The following RPS6KA2 variants were observed in gnomAD, a reference collection of about 807,000 sequenced individuals.
The protein encoded by RPS6KA2 is ribosomal protein S6 kinase alpha-2.
Under a neutral mutation model 91.8 loss-of-function variants are expected in RPS6KA2, and 42 were observed. The observed-to-expected ratio is 0.46, with a 90% confidence interval of 0.36 to 0.59. The LOEUF is 0.59. Among genes scored for constraint, RPS6KA2 ranks in the 20% least tolerant of loss-of-function variants. The probability of loss-of-function intolerance (pLI) is 0.00; values close to 1 mark genes in which losing one functional copy is unlikely to be tolerated. For synonymous variants in RPS6KA2, 414 were observed against 393.6 expected (o/e 1.05, Z -0.61); for missense variants, 798 against 978.5 (o/e 0.82, Z 2.46).
chr6:166,650,281 A>G (rs1787810525), intron 2 of RPS6KA2, among the ~76,000 whole-genome samples: 1 of 152,044 alleles, frequency 6.6e-6, no homozygotes, highest in Non-Finnish European at 1.5e-5. Context: ...GAAGCCTTTC[A>G]TCACCACATT....
chr6:166,437,423 C>T lies in RPS6KA2; in HGVS notation c.1333-4933G>A, dbSNP rs1238883795. 2.6e-5 allele frequency among the ~76,000 whole-genome samples: 4 copies of T among 152,200 alleles called. No individual in the cohort carries two copies. Among genetic ancestry groups the T allele is most frequent in the Non-Finnish European group, 5.9e-5 (4 of 68,016 alleles). ...ACAAGGCCTCCCCTCCAGGCTGACG[C>T]TCAAATAATGCTGACGCGCCACGGA... On this transcript the variant is annotated intron_variant, in intron 14 of 20. Transcript: ENST00000265678. This position sits in a 1 kb window ranked among gnomAD's most constrained non-coding sequence, Gnocchi z 4.3.
In RPS6KA2 at chr6:166,529,144, C is replaced by A. The variant is rs533097664; in HGVS notation, c.298+2088G>T. Reference sequence around the variant, plus strand: ...CATGCATGTTTATTGTGGCACTATTCACCATAGCAAAGACTTGGAACCAAC... The same window carrying A: ...CATGCATGTTTATTGTGGCACTATTAACCATAGCAAAGACTTGGAACCAAC... On this transcript the variant is annotated intron_variant, in intron 3 of 20. Transcript: ENST00000265678. Among the ~76,000 whole-genome samples, 38 of 152,344 alleles carry A rather than the reference C, an allele frequency of 2.5e-4. No homozygotes were observed. In the South Asian group the frequency reaches 7.5e-3, roughly 30 times the overall value.
intron 3 of RPS6KA2, among the ~76,000 whole-genome samples, chr6:166,517,721 C>T (rs539761387): frequency 1.3e-4 from 19 of 151,246 alleles, no homozygotes; most frequent in Admixed American, 9.9e-4. Flanking sequence ...ATGATCCACC[C>T]GCCTCGGCCT....
chr6:166,726,776 G>A lies in RPS6KA2; in HGVS notation c.123+131424C>T, dbSNP rs1008535878. 1.3e-5 allele frequency among the ~76,000 whole-genome samples: 2 copies of A among 152,090 alleles called. No individual in the cohort carries two copies. The highest frequency in any genetic ancestry group is 2.4e-5 in the African/African-American group (1 of 41,392). On this transcript the variant is annotated intron_variant, in intron 2 of 21. Coordinates refer to the RPS6KA2 transcript ENST00000503859. The surrounding 1 kb of genome is among the most constrained non-coding windows in gnomAD (Gnocchi z 4.4). ...TTGTCAAAGCTTTAAAACTGAACACGGCAACAACTCTAGGTGAGGAGTGTT... is the reference window on the plus strand; with the variant it reads ...TTGTCAAAGCTTTAAAACTGAACACAGCAACAACTCTAGGTGAGGAGTGTT...
chr6:166,603,964 C>G lies in RPS6KA2; in HGVS notation c.99+22957G>C, dbSNP rs546592565. ...GAGCTAAGAACTTCTCCAACTCGTC[C>G]TAACGTGTCCCTCCTAGAAGTCACG... On this transcript the variant is annotated intron_variant, in intron 1 of 20. Coordinates refer to ENST00000265678, the MANE Select transcript of RPS6KA2 (RefSeq NM_021135.6). This position sits in a 1 kb window ranked among gnomAD's most constrained non-coding sequence, Gnocchi z 4.3. 6.6e-6 allele frequency among the ~76,000 whole-genome samples: 1 copy of G among 152,246 alleles called. No homozygotes were observed. Among genetic ancestry groups the G allele is most frequent in the Admixed American group, 6.5e-5 (1 of 15,300 alleles).
chr6:166,772,658 C>T (rs1356714536), intron 2 of RPS6KA2, among the ~76,000 whole-genome samples: 1 of 152,214 alleles, frequency 6.6e-6, no homozygotes, highest in Admixed American at 6.5e-5. Flanking sequence ...CCTCATTCCA[C>T]TCCATGACCT....
chr6:166,855,438 G>A (rs9348196), intron 2 of RPS6KA2, among the ~76,000 whole-genome samples: 20,023 of 89,508 alleles, frequency 0.22, 1,711 homozygotes, highest in Non-Finnish European at 0.3. Flanking sequence ...AGGAAGAAGA[G>A]GAAGAAGAAG....
intron 2 of RPS6KA2, among the ~76,000 whole-genome samples, chr6:166,633,873 C>G (rs1787155122): frequency 2.0e-5 from 3 of 152,142 alleles, no homozygotes; most frequent in Admixed American, 2.0e-4. Context: ...GTCAGCGGAA[C>G]GTGCCACGCT....
intron 2 of RPS6KA2, among the ~76,000 whole-genome samples, chr6:166,759,664 C>T (rs183330262): frequency 3.3e-5 from 5 of 152,366 alleles, no homozygotes; most frequent in Middle Eastern, 3.4e-3. Context: ...TCCACATCCA[C>T]ATTTCACCTC....
rs1269814356 is a variant in RPS6KA2, at chr6:166,849,338, AC to A, written c.123+8861del. On this transcript the variant is annotated intron_variant, in intron 2 of 21. Coordinates refer to the RPS6KA2 transcript ENST00000503859. The surrounding 1 kb of genome is among the most constrained non-coding windows in gnomAD (Gnocchi z 4.9). ...GTCACCCTATTTCTGCACAGTACTT[AC>A]CCCCGTGTGAAACCATCTTGTTGAG... Among the ~76,000 whole-genome samples the A allele has an allele frequency of 1.3e-5, 2 of 151,816 alleles. No individual in the cohort carries two copies. The highest frequency in any genetic ancestry group is 2.4e-5 in the African/African-American group (1 of 41,274).
chr6:166,591,757 C>T (rs773463833), intron 1 of RPS6KA2, among the ~76,000 whole-genome samples: 5 of 152,306 alleles, frequency 3.3e-5, no homozygotes, highest in Middle Eastern at 6.8e-3. Flanking sequence ...CCCACCTGTT[C>T]GAGGTAGTTT....
chr6:166,479,825 C>A (rs964846870), intron 10 of RPS6KA2, among the ~76,000 whole-genome samples: 2 of 152,218 alleles, frequency 1.3e-5, no homozygotes, highest in African/African-American at 4.8e-5. Context: ...GCTTACCTCC[C>A]TTGCTTCCAA....
At chr6:166,568,256 C>T (rs1264653355) in intron 1 of RPS6KA2, among the ~76,000 whole-genome samples, 1 of 152,180 alleles carries the variant, frequency 6.6e-6, no homozygotes, top group African/African-American at 2.4e-5. Context: ...TGAGACCCAT[C>T]CACAGAAGCC....
At position 166,500,793 on chromosome 6, in the gene RPS6KA2, C is replaced by A; in HGVS notation, c.604+94G>T. On this transcript the variant is annotated intron_variant, in intron 7 of 20. Transcript: ENST00000265678. This position sits in a 1 kb window ranked among gnomAD's most constrained non-coding sequence, Gnocchi z 4.3. ...GACAAGCATCTGGCAAAGGGAAGGG[C>A]GGTGTAAATAAGAGGGCTTGGGCTT... is the stretch of plus-strand genomic sequence containing the variant. 3 of 1,117,766 alleles carry A rather than the reference C, an allele frequency of 2.7e-6. No individual in the cohort carries two copies. Among genetic ancestry groups the A allele is most frequent in the Non-Finnish European group, 4.1e-6 (3 of 737,208 alleles). The allele number at this position is 1,117,766 out of a possible 1,614,324, so 69.2% of individuals were successfully genotyped here.
intron 1 of RPS6KA2, 32 bp from the exon 2 acceptor site, chr6:166,538,816 C>T (rs1358199735): frequency 2.5e-6 from 3 of 1,197,568 alleles, no homozygotes; most frequent in Non-Finnish European, 3.7e-6. Context: ...GAGAAACACA[C>T]CGCGAGGAGT....
intron 1 of RPS6KA2, among the ~76,000 whole-genome samples, chr6:166,583,985 T>G (rs1785097382): frequency 6.6e-6 from 1 of 152,226 alleles, no homozygotes; most frequent in Non-Finnish European, 1.5e-5. Flanking sequence ...CATCTTAAAA[T>G]GTATTTTATA....
At position 166,547,714 on chromosome 6, in the gene RPS6KA2, T is replaced by C. The variant is rs9457176; in HGVS notation, c.100-8930A>G. ...AGTAATTGTGCCTTATATGGAACTT[T>C]ATATTAATTGTGATAGAGAGTAGTC... On this transcript the variant is annotated intron_variant, in intron 1 of 20. Transcript: ENST00000265678. Among the ~76,000 whole-genome samples, 302 of 152,372 alleles carry C rather than the reference T, an allele frequency of 2.0e-3. 2 individuals are homozygous for C. Among genetic ancestry groups the C allele is most frequent in the African/African-American group, 7.0e-3 (291 of 41,582 alleles).
Position 166,825,286 on chromosome 6 carries a change from T to A in RPS6KA2, c.123+32914A>T, listed in dbSNP as rs1277567729. Among the ~76,000 whole-genome samples, 1 of 152,190 alleles carries A rather than the reference T, an allele frequency of 6.6e-6. No individual in the cohort carries two copies. Among genetic ancestry groups the A allele is most frequent in the African/African-American group, 2.4e-5 (1 of 41,448 alleles). On this transcript the variant is annotated intron_variant, in intron 2 of 21. Coordinates refer to the RPS6KA2 transcript ENST00000503859. This position sits in a 1 kb window ranked among gnomAD's most constrained non-coding sequence, Gnocchi z 4.1. ...GCAGGGCTGATGGTGCCGTGACTGC[T>A]GGGAATCCAGGGTACCCGTGGCTGT...
In RPS6KA2 at chr6:166,432,453, A is replaced by G. The variant is rs1779166980; in HGVS notation, c.1370T>C (p.Ile457Thr). The G allele has an allele frequency of 6.2e-6, 10 of 1,613,790 alleles. No homozygotes were observed. The highest frequency in any genetic ancestry group is 1.3e-5 in the African/African-American group (1 of 75,046). The change falls in exon 15 of 21, where the codon ATT becomes ACT. Residue 457 changes from isoleucine (I) to threonine (T), a missense_variant. Coordinates refer to ENST00000265678, the MANE Select transcript of RPS6KA2 (RefSeq NM_021135.6). ...CTGGCCGTACCGCAGGAGGATCTCA[A>G]TCTCTTCCGAGGGGTCTCTCTTGCT... is the stretch of plus-strand genomic sequence containing the variant. ...DKSKRDPSEE[I>T]EILLRYGQHP... is the part of the protein sequence containing the mutation.
Sources: allele counts gnomAD v4.1 joint callset (sites outside exome capture counted in the v4.1 genomes callset), GRCh38; gene constraint gnomAD v4.1.1; non-coding constraint Gnocchi (gnomAD v3.1); transcripts MANE v1.5; gene names NCBI Gene and HGNC (gene_info 2026-07-23, HGNC 2026-07-21).